Variants in DGAT1 observed in about 807,000 individuals in gnomAD.
The protein encoded by DGAT1 is diacylglycerol O-acyltransferase 1.
Under a neutral mutation model 72.6 loss-of-function variants are expected in DGAT1, and 60 were observed. The ratio of observed to expected loss-of-function variants is 0.83; its 90% CI spans 0.67 to 1.02. The LOEUF (loss-of-function observed/expected upper bound fraction) is 1.02, where lower values mean the gene tolerates loss of function less well. Ranked by LOEUF, DGAT1 falls within the 50% of genes least tolerant of loss-of-function variation. DGAT1 has a pLI of 0.00. For synonymous variants in DGAT1, 290 were observed against 267.5 expected (o/e 1.08, Z -0.82); for missense variants, 592 against 670.0 (o/e 0.88, Z 1.29).
intron 6 of DGAT1, 28 bp downstream of exon 6, chr8:144,318,433 A>G: frequency 1.2e-6 from 2 of 1,604,150 alleles, no homozygotes; most frequent in South Asian, 1.1e-5. Flanking sequence ...GGCCCGAGAC[A>G]GATGGGCAGG....
At chr8:144,322,637 C>T (rs1214689019) in intron 1 of DGAT1, among the ~76,000 whole-genome samples, 1 of 151,688 alleles carries the variant, frequency 6.6e-6, no homozygotes, top group African/African-American at 2.4e-5. Flanking sequence ...ACACATGCCC[C>T]ATCTACACCT....
chr8:144,317,556 G>A lies in DGAT1; in HGVS notation c.969C>T (p.Leu323=), dbSNP rs148143694. The change falls in exon 12 of 17, where the codon CTC becomes CTT. Residue 323 remains leucine (L), a synonymous_variant. Coordinates refer to ENST00000528718, the MANE Select transcript of DGAT1 (RefSeq NM_012079.6). ...DMDYSRIIER[L]LKLAVPNHLI... ...TGTCCGCACTCACCGCCAGCTTCAG[G>A]AGGCGCTCGATGATGCGTGAGTAGT... is the stretch of plus-strand genomic sequence containing the variant. 4 of 1,613,882 alleles carry A rather than the reference G, an allele frequency of 2.5e-6. No homozygotes were observed. The highest frequency in any genetic ancestry group is 3.3e-4 in the Middle Eastern group (2 of 6,062).
At position 144,315,758 on chromosome 8, in the gene DGAT1, G is replaced by A; in HGVS notation, c.*796C>T. The stretch of plus-strand genomic sequence containing the variant: ...GGGTGCCCCAACCTCGTGGAGGGCA[G>A]CTGAGAGCCACCAGCCCACCTGGCT... On this transcript the variant is annotated 3_prime_UTR_variant, in exon 17 of 17. Coordinates refer to ENST00000528718, the MANE Select transcript of DGAT1 (RefSeq NM_012079.6). 2.2e-6 allele frequency: 2 copies of A among 924,056 alleles called. No individual in the cohort carries two copies. Among genetic ancestry groups the A allele is most frequent in the Non-Finnish European group, 2.6e-6 (2 of 773,962 alleles). 57.2% of individuals were successfully genotyped at this position (924,056 alleles called of 1,614,324 possible).
chr8:144,324,346 G>A (rs1817540042), intron 1 of DGAT1, among the ~76,000 whole-genome samples: 1 of 152,162 alleles, frequency 6.6e-6, no homozygotes. Flanking sequence ...GGCTGACAAG[G>A]GGGTGCGCTA....
intron 1 of DGAT1, among the ~76,000 whole-genome samples, chr8:144,323,700 C>T (rs1488526303): frequency 6.6e-6 from 1 of 152,240 alleles, no homozygotes; most frequent in Non-Finnish European, 1.5e-5. Context: ...CCCCCAGGCC[C>T]ACCCAGCCAG....
Position 144,319,830 on chromosome 8 carries a change from G to A in DGAT1, c.289-762C>T, listed in dbSNP as rs920504598. ...CACTACCAACACCTCCATTAAGCTG[G>A]GCCCCAATGCCGCAGACCTGGCTGA... On this transcript the variant is annotated intron_variant, in intron 2 of 16. Transcript: ENST00000528718. Among the ~76,000 whole-genome samples the A allele has an allele frequency of 3.9e-5, 6 of 152,202 alleles. No homozygotes were observed. The South Asian group carries it at 1.2e-3, about 32-fold the overall frequency.
rs143362207 is a variant in DGAT1 at position 144,320,925 on chromosome 8, C to T, written c.288+396G>A. Among the ~76,000 whole-genome samples the T allele has an allele frequency of 4.1e-4, 63 of 152,266 alleles. No homozygotes were observed. The East Asian group carries it at 0.011, about 27-fold the overall frequency. On this transcript the variant is annotated intron_variant, in intron 2 of 16. Coordinates refer to ENST00000528718, the MANE Select transcript of DGAT1 (RefSeq NM_012079.6). ...TCCACAGAGCATGCAGTCCACTCTCCCACCAGCCCAGGGCAAGACCCCCTC... is the reference window on the plus strand; with the variant it reads ...TCCACAGAGCATGCAGTCCACTCTCTCACCAGCCCAGGGCAAGACCCCCTC...
intron 7 of DGAT1, 24 bp downstream of exon 7, chr8:144,318,216 GCCCAGCCCCCCAGCAGGCAGC>G: frequency 6.2e-7 from 1 of 1,609,394 alleles, no homozygotes; most frequent in Non-Finnish European, 8.5e-7. Flanking sequence ...CCCTGCTGCT[GCCCAGCCCCCCAGCAGGCAGC>G]CCCAGCCCCT....
In DGAT1 at chr8:144,317,541, C is replaced by A. The variant is rs374940423; in HGVS notation, c.981+3G>T. ...TGTGCATGCGCCACCTGTCCGCACT[C>A]ACCGCCAGCTTCAGGAGGCGCTCGA... On this transcript the variant is annotated splice_donor_region_variant and intron_variant, in intron 12 of 16. Coordinates refer to ENST00000528718, the MANE Select transcript of DGAT1 (RefSeq NM_012079.6). The A allele has an allele frequency of 1.8e-5, 29 of 1,613,878 alleles. No individual in the cohort carries two copies. In the East Asian group the frequency reaches 4.0e-4, roughly 22 times the overall value.
Position 144,318,483 on chromosome 8 carries a change from T to G in DGAT1, c.552A>C (p.Leu184Phe). 1.9e-6 allele frequency: 3 copies of G among 1,611,308 alleles called. No individual in the cohort carries two copies. The highest frequency in any genetic ancestry group is 2.5e-6 in the Non-Finnish European group (3 of 1,179,802). The change falls in exon 6 of 17, where the codon TTA (leucine) becomes TTC (phenylalanine). Residue 184 changes from leucine to phenylalanine, a missense_variant. Coordinates refer to ENST00000528718, the MANE Select transcript of DGAT1 (RefSeq NM_012079.6). Reference protein sequence around the residue: ...TILCFPAAVVLLVESITPVGS... With the variant: ...TILCFPAAVVFLVESITPVGS... ...CACCTGGAGTGATAGACTCAACCAG[T>G]AAGACCACAGCCGCTGGGAAACACA...
At chr8:144,319,795 A>G (rs1588684199) in intron 2 of DGAT1, among the ~76,000 whole-genome samples, 1 of 152,168 alleles carries the variant, frequency 6.6e-6, no homozygotes, top group East Asian at 1.9e-4. Context: ...CTCCTCCTCC[A>G]TCTTACAAGC....
chr8:144,320,332 C>T (rs1817412724), intron 2 of DGAT1, among the ~76,000 whole-genome samples: 1 of 152,208 alleles, frequency 6.6e-6, no homozygotes, highest in Non-Finnish European at 1.5e-5. Context: ...GCTGCGTCTC[C>T]TGAGTGCTGG....
rs542612622 is a variant in DGAT1, at chr8:144,316,058, G to T, written c.*496C>A. ...GTGCCGATTCCCGCACACCCAGCAG[G>T]AGTAGCACCAGGAGAGGACGCCTGA... On this transcript the variant is annotated 3_prime_UTR_variant, in exon 17 of 17. Transcript: ENST00000528718. The T allele has an allele frequency of 8.8e-4, 388 of 438,880 alleles. No homozygotes were observed. The highest frequency in any genetic ancestry group is 1.1e-3 in the Non-Finnish European group (353 of 327,562). 27.2% of individuals were successfully genotyped at this position (438,880 alleles called of 1,614,324 possible). A position where few individuals can be genotyped will look rare whatever the true frequency, so the allele number is the denominator to read the frequency against.
At chr8:144,317,757 C>T in intron 10 of DGAT1, 27 bp downstream of exon 10, 1 of 1,613,504 alleles carries the variant, frequency 6.2e-7, no homozygotes, top group South Asian at 1.1e-5. Flanking sequence ...TGCCCAGCTA[C>T]ACCCAACCCT....
chr8:144,323,555 G>A (rs959497654), intron 1 of DGAT1, among the ~76,000 whole-genome samples: 9 of 152,148 alleles, frequency 5.9e-5, no homozygotes, highest in African/African-American at 2.2e-4. Context: ...GGTGGGATCT[G>A]CCCCTGTGCC....
intron 1 of DGAT1, among the ~76,000 whole-genome samples, chr8:144,325,398 A>G (rs1354502369): frequency 2.6e-5 from 4 of 151,574 alleles, no homozygotes; most frequent in Non-Finnish European, 5.9e-5. Flanking sequence ...CCCTCCCCCA[A>G]CCCCCTCCCC....
chr8:144,318,587 C>T, intron 5 of DGAT1, 21 bp from the exon 6 acceptor site: 5 of 1,609,572 alleles, frequency 3.1e-6, no homozygotes, highest in South Asian at 1.1e-5. Context: ...GAGCAGAGCA[C>T]TCAACCAGGG....
Position 144,316,242 on chromosome 8 carries a change from T to G in DGAT1, c.*312A>C. The G allele has an allele frequency of 2.9e-6, 1 of 341,054 alleles. No homozygotes were observed. Among genetic ancestry groups the G allele is most frequent in the Non-Finnish European group, 5.4e-6 (1 of 183,740 alleles). 21.1% of individuals were successfully genotyped at this position (341,054 alleles called of 1,614,324 possible). ...CAGCTCTGGCACTCGCCCTTGTGGG[T>G]GTGGCCATACCCCCCACCAGGCCCC... On this transcript the variant is annotated 3_prime_UTR_variant, in exon 17 of 17. Transcript: ENST00000528718.
At chr8:144,316,775 G>A in intron 16 of DGAT1, 66 bp from the exon 17 acceptor site, 1 of 1,597,812 alleles carries the variant, frequency 6.3e-7, no homozygotes, top group Non-Finnish European at 8.5e-7. Flanking sequence ...CAGGGTCCCT[G>A]GGCATGGGGA....
Sources: allele counts gnomAD v4.1 joint callset (sites outside exome capture counted in the v4.1 genomes callset), GRCh38; gene constraint gnomAD v4.1.1; transcripts MANE v1.5; gene names NCBI Gene and HGNC (gene_info 2026-07-23, HGNC 2026-07-21).